Variants in CD99L2 observed in about 807,000 individuals in gnomAD.
CD99L2 encodes CD99 molecule like 2, also known as CD99 antigen-like protein 2.
A neutral mutation model predicts 27.3 loss-of-function variants in CD99L2; 24 were observed. That is an observed-to-expected ratio of 0.88 (90% confidence interval 0.64 to 1.24). The LOEUF (loss-of-function observed/expected upper bound fraction) is 1.24. Ranked by LOEUF, CD99L2 falls within the 50% of genes most tolerant of loss-of-function variation. The pLI is 0.00. For missense variants in CD99L2, 255 were observed against 221.6 expected (o/e 1.15, Z -0.96); for synonymous variants, 97 against 87.9 (o/e 1.10, Z -0.58).
At chrX:150,887,485 TA>T (rs1195129996) in intron 1 of CD99L2, among the ~76,000 whole-genome samples, 4 of 103,006 alleles carry the variant, frequency 3.9e-5, no homozygotes, top group East Asian at 2.9e-4. Flanking sequence ...AATAAATAAA[TA>T]AAATAAAAAA....
chrX:150,881,275 CTA>C (rs1364485753), intron 1 of CD99L2, among the ~76,000 whole-genome samples: 1 of 111,627 alleles, frequency 9.0e-6, no homozygotes, highest in Non-Finnish European at 1.9e-5. Flanking sequence ...GTGGCCCAAC[CTA>C]TACCCCAGCA....
At chrX:150,786,993 G>T (rs2045604114) in intron 7 of CD99L2, among the ~76,000 whole-genome samples, 1 of 111,890 alleles carries the variant, frequency 8.9e-6, no homozygotes, top group South Asian at 3.7e-4. Context: ...TCATATGCTT[G>T]TTGGCCGCAT....
At chrX:150,888,402 T>G (rs2124383841) in intron 1 of CD99L2, among the ~76,000 whole-genome samples, 1 of 111,177 alleles carries the variant, frequency 9.0e-6, no homozygotes, top group Non-Finnish European at 1.9e-5. Context: ...ACTCAGAAAA[T>G]ATCATGCTAA....
intron 1 of CD99L2, among the ~76,000 whole-genome samples, chrX:150,889,703 C>A (rs1051865381): frequency 8.9e-6 from 1 of 112,464 alleles, no homozygotes; most frequent in Non-Finnish European, 1.9e-5. Flanking sequence ...TCAACTACAG[C>A]AGTTTTCAAA....
chrX:150,864,979 T>G (rs1274524573), intron 1 of CD99L2, among the ~76,000 whole-genome samples: 1 of 108,955 alleles, frequency 9.2e-6, no homozygotes, highest in African/African-American at 3.4e-5. Flanking sequence ...GGCAGGAGAA[T>G]CGCTTGAGCC....
intron 1 of CD99L2, among the ~76,000 whole-genome samples, chrX:150,844,261 A>G (rs1240686705): frequency 1.8e-5 from 2 of 112,482 alleles, no homozygotes; most frequent in Non-Finnish European, 3.8e-5. Context: ...GATTAATCAA[A>G]GGAAAGCCTG....
At chrX:150,785,808 G>A (rs1322843492) in intron 7 of CD99L2, among the ~76,000 whole-genome samples, 1 of 112,110 alleles carries the variant, frequency 8.9e-6, no homozygotes, top group African/African-American at 3.2e-5. Flanking sequence ...TATCCATGCT[G>A]TCGTATCAGT....
chrX:150,777,328 A>G, intron 8 of CD99L2, 116 bp downstream of exon 8: 1 of 884,394 alleles, frequency 1.1e-6, no homozygotes, highest in Non-Finnish European at 1.6e-6. Context: ...AATGGGAGGC[A>G]CGTTTGCCTG....
At position 150,859,109 on chromosome X, in the gene CD99L2, A is replaced by T. The variant is rs188283766; in HGVS notation, c.68-27816T>A. On this transcript the variant is annotated intron_variant, in intron 1 of 10. Coordinates refer to ENST00000370377, the MANE Select transcript of CD99L2 (RefSeq NM_031462.4). ...TAACAAACTGGAAAACCTAGAGGAAATGGATAAATTTCTAGAAACTACAAC... is the reference window on the plus strand; with the variant it reads ...TAACAAACTGGAAAACCTAGAGGAATTGGATAAATTTCTAGAAACTACAAC... Among the ~76,000 whole-genome samples, 16 of 112,314 alleles carry T rather than the reference A, an allele frequency of 1.4e-4. No homozygotes were observed. In the East Asian group the frequency reaches 4.2e-3, roughly 30 times the overall value.
chrX:150,893,835 C>T lies in CD99L2; in HGVS notation c.67+4687G>A, dbSNP rs139434077. Among the ~76,000 whole-genome samples the T allele has an allele frequency of 9.5e-3, 1,039 of 109,673 alleles. 8 individuals carry two copies. The highest frequency in any genetic ancestry group is 0.015 in the Non-Finnish European group (775 of 52,738). On this transcript the variant is annotated intron_variant, in intron 1 of 10. Transcript: ENST00000370377. ...GATTCAAGAGATTCTCATGCTTTAG[C>T]CTCCCGAGTAGCTGGGACTACAAGC...
chrX:150,791,568 G>A (rs1232395887), intron 7 of CD99L2, among the ~76,000 whole-genome samples: 1 of 111,725 alleles, frequency 9.0e-6, no homozygotes, highest in Admixed American at 9.5e-5. Flanking sequence ...GAAGCCATTG[G>A]GAACCACAGT....
chrX:150,884,304 A>C (rs2047375301), intron 1 of CD99L2, among the ~76,000 whole-genome samples: 1 of 112,043 alleles, frequency 8.9e-6, no homozygotes, highest in Non-Finnish European at 1.9e-5. Context: ...ATGATACTGC[A>C]TGTCACATAG....
At position 150,777,514 on chromosome X, in the gene CD99L2, C is replaced by T. The variant is rs143852133; in HGVS notation, c.497-32G>A. ...AAAAGACAAAAGCACTTAGTGCCAGCGACCAGCCAGCTCAGGCTCGAGCTC... is the reference window on the plus strand; with the variant it reads ...AAAAGACAAAAGCACTTAGTGCCAGTGACCAGCCAGCTCAGGCTCGAGCTC... On this transcript the variant is annotated intron_variant, in intron 7 of 10. Transcript: ENST00000370377. The T allele has an allele frequency of 5.6e-4, 678 of 1,200,651 alleles. 1 individual carries two copies. The highest frequency in any genetic ancestry group is 4.4e-3 in the African/African-American group (251 of 57,120).
intron 4 of CD99L2, among the ~76,000 whole-genome samples, chrX:150,803,097 T>C (rs1464566312): frequency 1.9e-5 from 2 of 106,842 alleles, no homozygotes; most frequent in African/African-American, 3.4e-5. Context: ...AGTTTCACCA[T>C]GTTGGTCAGG....
intron 4 of CD99L2, among the ~76,000 whole-genome samples, chrX:150,801,554 T>G (rs1355521577): frequency 2.7e-5 from 3 of 110,552 alleles, no homozygotes; most frequent in Admixed American, 9.6e-5. Flanking sequence ...CCTAGATGCC[T>G]GGGGATTACA....
rs140945985 is a variant in CD99L2 at position 150,874,392 on chromosome X, G to T, written c.67+24130C>A. ...GCTAGTGAGGAAGAAGGAATTGGGA[G>T]AGTGGGAACAGAGTGTGTGGCAAGG... On this transcript the variant is annotated intron_variant, in intron 1 of 10. Transcript: ENST00000370377. Among the ~76,000 whole-genome samples, 575 of 111,778 alleles carry T rather than the reference G, an allele frequency of 5.1e-3. 7 individuals carry two copies. Among genetic ancestry groups the T allele is most frequent in the Middle Eastern group, 0.014 (3 of 219 alleles).
At chrX:150,815,278 G>T (rs1445087221) in intron 3 of CD99L2, among the ~76,000 whole-genome samples, 1 of 112,065 alleles carries the variant, frequency 8.9e-6, no homozygotes, top group Non-Finnish European at 1.9e-5. Context: ...GGTACACAGA[G>T]TCCATAAAGA....
rs782246702 is a variant in CD99L2 at position 150,770,290 on chromosome X, T to C, written c.721+14A>G. 4.0e-5 allele frequency: 48 copies of C among 1,203,852 alleles called. No individual in the cohort carries two copies. In the South Asian group the frequency reaches 6.2e-4, roughly 15 times the overall value. Reference sequence around the variant, plus strand: ...GAAAGCGTCAGCAAGGGACAGTGAGTACAAAGTTCTCACCTTGGGGTTCCT... The same window carrying C: ...GAAAGCGTCAGCAAGGGACAGTGAGCACAAAGTTCTCACCTTGGGGTTCCT... On this transcript the variant is annotated intron_variant, in intron 10 of 10. Transcript: ENST00000370377.
intron 1 of CD99L2, among the ~76,000 whole-genome samples, chrX:150,885,370 A>T (rs1349790310): frequency 2.8e-5 from 3 of 106,764 alleles, no homozygotes; most frequent in Admixed American, 9.7e-5. Context: ...CAAAAAAACA[A>T]CAACAACAAA....
Sources: allele counts gnomAD v4.1 joint callset (sites outside exome capture counted in the v4.1 genomes callset), GRCh38; gene constraint gnomAD v4.1.1; transcripts MANE v1.5; gene names NCBI Gene and HGNC (gene_info 2026-07-23, HGNC 2026-07-21).